S100PBP: variants seen among roughly 807,000 people sequenced by gnomAD.
The protein encoded by S100PBP is S100P binding protein, also known as S100P-binding protein.
A neutral mutation model predicts 39.9 loss-of-function variants in S100PBP; 15 were observed. The observed-to-expected ratio is 0.38, with a 90% CI of 0.25 to 0.58. S100PBP has a LOEUF of 0.58. S100PBP is among the 20% of genes least tolerant of loss of function. S100PBP has a pLI of 0.70. For synonymous variants in S100PBP, 178 were observed against 180.3 expected, an observed-to-expected ratio of 0.99 and a Z score of 0.10; for missense variants, 504 against 487.3, an observed-to-expected ratio of 1.03 and a Z score of -0.32.
At chr1:32,817,994 GC>G (rs1638829360) in intron 1 of S100PBP, 1 of 152,484 alleles carries the variant, frequency 6.6e-6, no homozygotes, top group African/African-American at 2.4e-5. Flanking sequence ...GGGGGTGGGG[GC>G]CGCCTCTGTC....
At chr1:32,821,881 C>T (rs190331252) in intron 1 of S100PBP, among the ~76,000 whole-genome samples, 11 of 152,212 alleles carry the variant, frequency 7.2e-5, no homozygotes, top group African/African-American at 1.2e-4. Flanking sequence ...TCAAGTGATC[C>T]GCCCAACTTA....
intron 5 of S100PBP, among the ~76,000 whole-genome samples, chr1:32,845,774 G>T (rs1429869018): frequency 6.6e-6 from 1 of 151,264 alleles, no homozygotes. Flanking sequence ...CAACCTCCCG[G>T]GCTCGTGATC....
chr1:32,818,980 A>C (rs1255692365), intron 1 of S100PBP: 5 of 152,214 alleles, frequency 3.3e-5, no homozygotes, highest in Non-Finnish European at 7.3e-5. Flanking sequence ...TAGAGCTTGA[A>C]AGAGGATGTG....
At chr1:32,827,948 A>T (rs575524524) in intron 3 of S100PBP, 45 bp from the exon 4 acceptor site, 1 of 1,303,794 alleles carries the variant, frequency 7.7e-7, no homozygotes, top group Non-Finnish European at 1.1e-6. Context: ...CTTTTCTTAT[A>T]ACTAAGAATC....
chr1:32,855,895 T>C lies in S100PBP; in HGVS notation c.1113-29T>C, dbSNP rs780652653. The C allele has an allele frequency of 5.6e-5, 85 of 1,507,302 alleles. 1 individual carries two copies. The highest frequency in any genetic ancestry group is 7.5e-5 in the Non-Finnish European group (82 of 1,088,336). The allele number at this position is 1,507,302 out of a possible 1,614,324, so 93.4% of individuals were successfully genotyped here. ...ATAGCCATTCTAGTTGAAATAGCCT[T>C]CCTGTTTGTACTCTCCCTCTCTCGA... On this transcript the variant is annotated intron_variant, in intron 6 of 6. Coordinates refer to ENST00000373475, the MANE Select transcript of S100PBP (RefSeq NM_022753.4).
chr1:32,843,282 C>T (rs1358503193), intron 5 of S100PBP: 2 of 151,838 alleles, frequency 1.3e-5, no homozygotes, highest in African/African-American at 2.4e-5. Flanking sequence ...TGCCTAGAAC[C>T]TCCAGTTAAG....
chr1:32,823,792 G>T (rs1244697306), intron 1 of S100PBP, among the ~76,000 whole-genome samples: 1 of 152,140 alleles, frequency 6.6e-6, no homozygotes, highest in Non-Finnish European at 1.5e-5. Flanking sequence ...TATACATTAC[G>T]TATTATACAT....
intron 1 of S100PBP, among the ~76,000 whole-genome samples, chr1:32,820,953 C>A (rs1205500194): frequency 6.6e-6 from 1 of 152,168 alleles, no homozygotes; most frequent in African/African-American, 2.4e-5. Flanking sequence ...TCTGCCTGGG[C>A]AACAAACCTG....
chr1:32,843,466 T>C lies in S100PBP; in HGVS notation c.1025-9613T>C, dbSNP rs545931676. On this transcript the variant is annotated intron_variant, in intron 5 of 6. Coordinates refer to ENST00000373475, the MANE Select transcript of S100PBP (RefSeq NM_022753.4). ...TGAGCCACCACACCCGGCTAATTTT[T>C]TTTTTTTTGAGATGAAGTTTCACTC... Among the ~76,000 whole-genome samples, 4 of 152,042 alleles carry C rather than the reference T, an allele frequency of 2.6e-5. No homozygotes were observed. The East Asian group carries it at 7.8e-4, about 29-fold the overall frequency.
intron 5 of S100PBP, among the ~76,000 whole-genome samples, chr1:32,845,621 C>G (rs532582588): frequency 2.6e-5 from 4 of 151,924 alleles, no homozygotes; most frequent in African/African-American, 9.6e-5. Flanking sequence ...GCATTTTAAG[C>G]CATAGGCTCC....
upstream of S100PBP, chr1:32,817,278 G>A (rs763753499): frequency 1.8e-5 from 29 of 1,612,978 alleles, no homozygotes; most frequent in South Asian, 3.3e-5. Context: ...CGCTCAGCCC[G>A]GCACCAGAGC....
Position 32,856,719 on chromosome 1 carries a change from T to C in S100PBP, c.*681T>C, listed in dbSNP as rs1235456307. 1.3e-5 allele frequency: 2 copies of C among 152,640 alleles called. No homozygotes were observed. The highest frequency in any genetic ancestry group is 4.8e-5 in the African/African-American group (2 of 41,446). The allele number at this position is 152,640 out of a possible 1,614,324, so 9.5% of individuals were successfully genotyped here. A position where few individuals can be genotyped will look rare whatever the true frequency, so the allele number is the denominator to read the frequency against. ...TTTTTTCATTCCTTATTGAACTTAT[T>C]TTGCACAATAGTGTTTACAAATCTT... On this transcript the variant is annotated 3_prime_UTR_variant, in exon 7 of 7. Coordinates refer to ENST00000373475, the MANE Select transcript of S100PBP (RefSeq NM_022753.4).
intron 4 of S100PBP, among the ~76,000 whole-genome samples, chr1:32,829,553 C>T (rs1193418661): frequency 1.3e-5 from 2 of 152,124 alleles, no homozygotes; most frequent in Non-Finnish European, 2.9e-5. Flanking sequence ...GCCTTGAACT[C>T]GTGGACTCAA....
intron 5 of S100PBP, among the ~76,000 whole-genome samples, chr1:32,830,561 A>G (rs528609889): frequency 6.6e-5 from 10 of 152,146 alleles, no homozygotes; most frequent in Non-Finnish European, 1.3e-4. Flanking sequence ...TGTTCTCCCC[A>G]CTTCATTAGA....
Position 32,853,151 on chromosome 1 carries a change from C to T in S100PBP, c.1097C>T (p.Ser366Leu), listed in dbSNP as rs1184411232. ...CAGCACTCAAAATGGCAGCATCCTT[C>T]GGACCTCACCACGCGGTGAGTGGGT... ...HMQHSKWQHP[S>L]DLTTRNYARR... is the part of the protein sequence containing the mutation. Residue 366 changes from serine (S) to leucine (L), a missense_variant, in exon 6 of 7, where the codon TCG becomes TTG. Coordinates refer to ENST00000373475, the MANE Select transcript of S100PBP (RefSeq NM_022753.4). 6 of 1,611,238 alleles carry T rather than the reference C, an allele frequency of 3.7e-6. No individual in the cohort carries two copies. The highest frequency in any genetic ancestry group is 1.3e-5 in the African/African-American group (1 of 74,860).
At chr1:32,842,192 A>C (rs1183679364) in intron 5 of S100PBP, among the ~76,000 whole-genome samples, 2 of 98,810 alleles carry the variant, frequency 2.0e-5, no homozygotes, top group Non-Finnish European at 4.1e-5. Context: ...AAAAAAAAAA[A>C]AAAAAAAAAA....
At chr1:32,848,122 G>T (rs1046718577) in intron 5 of S100PBP, among the ~76,000 whole-genome samples, 2 of 152,038 alleles carry the variant, frequency 1.3e-5, no homozygotes, top group Non-Finnish European at 2.9e-5. Flanking sequence ...GCCTCGCCAA[G>T]ATGGTGAAAC....
chr1:32,819,682 C>T (rs1423154666), intron 1 of S100PBP, among the ~76,000 whole-genome samples: 1 of 152,184 alleles, frequency 6.6e-6, no homozygotes, highest in Non-Finnish European at 1.5e-5. Context: ...CTTCTTTTGA[C>T]AGAGAAGTAA....
intron 5 of S100PBP, among the ~76,000 whole-genome samples, chr1:32,831,640 T>C (rs916069760): frequency 6.6e-6 from 1 of 152,082 alleles, no homozygotes. Flanking sequence ...CTTAGCCCTC[T>C]GCTTGTGAGA....
Sources: gnomAD v4.1 joint callset for allele counts (sites outside exome capture counted in the v4.1 genomes callset) on GRCh38, gnomAD v4.1.1 for gene constraint, MANE v1.5 for transcripts, NCBI Gene and HGNC (gene_info 2026-07-23, HGNC 2026-07-21) for gene names.